The following MSR1 variants were observed in gnomAD, a reference collection of about 807,000 sequenced individuals.
The protein encoded by MSR1 is macrophage scavenger receptor 1, also known as macrophage scavenger receptor types I and II.
MSR1 carries 53 observed loss-of-function variants against 47.2 expected under a neutral mutation model. That is an observed-to-expected ratio of 1.12 (90% CI 0.90 to 1.41). The LOEUF is 1.41. MSR1 is among the 40% of genes most tolerant of loss of function. The pLI is 0.00. For missense variants in MSR1, 786 were observed against 546.9 expected (o/e 1.44, Z -4.36); for synonymous variants, 239 against 185.6 (o/e 1.29, Z -2.34).
intron 7 of MSR1, among the ~76,000 whole-genome samples, chr8:16,148,526 G>A (rs756400110): frequency 6.6e-6 from 1 of 151,740 alleles, no homozygotes; most frequent in Non-Finnish European, 1.5e-5. Flanking sequence ...GCATGATCTT[G>A]GTTCATTGCA....
intron 3 of MSR1, 136 bp from the exon 4 acceptor site, chr8:16,169,006 T>C (rs1291639316): frequency 1.3e-6 from 1 of 751,072 alleles, no homozygotes; most frequent in East Asian, 2.9e-5. Context: ...AAATCGAGTA[T>C]TTTTTTTTAA....
chr8:16,178,069 A>C, intron 1 of MSR1, 77 bp from the exon 2 acceptor site: 2 of 1,160,076 alleles, frequency 1.7e-6, no homozygotes, highest in Non-Finnish European at 2.5e-6. Context: ...TTTAAACTGA[A>C]ATTTCAGTTT....
intron 4 of MSR1, among the ~76,000 whole-genome samples, chr8:16,165,121 T>C (rs1801267833): frequency 6.6e-6 from 1 of 152,114 alleles, no homozygotes; most frequent in South Asian, 2.1e-4. Flanking sequence ...TGTATATTGA[T>C]ATAAGTACTT....
chr8:16,141,659 ATC>A (rs1800560164), intron 8 of MSR1, among the ~76,000 whole-genome samples: 1 of 152,238 alleles, frequency 6.6e-6, no homozygotes, highest in Non-Finnish European at 1.5e-5. Context: ...GTATACAAAC[ATC>A]TCTCTTACTC....
rs866255693 is a variant in MSR1, at chr8:16,107,917, C to T, written c.*2168G>A. The T allele has an allele frequency of 6.6e-6, 1 of 151,716 alleles. No homozygotes were observed. Among genetic ancestry groups the T allele is most frequent in the Non-Finnish European group, 1.5e-5 (1 of 67,906 alleles). 9.4% of individuals were successfully genotyped at this position (151,716 alleles called of 1,614,324 possible). On this transcript the variant is annotated 3_prime_UTR_variant, in exon 10 of 10. Transcript: ENST00000262101. ...TTTTTTTAATGGAACAAATGCAATT[C>T]AACATTCCAAAGTAAATTAAGTCCT...
intron 7 of MSR1, among the ~76,000 whole-genome samples, chr8:16,146,676 G>A (rs1800707963): frequency 6.6e-6 from 1 of 151,846 alleles, no homozygotes; most frequent in Non-Finnish European, 1.5e-5. Context: ...TCTTCAGTTG[G>A]GCTACTTCTC....
intron 1 of MSR1, 48 bp from the exon 2 acceptor site, chr8:16,178,040 G>A (rs1472593820): frequency 7.2e-7 from 1 of 1,398,260 alleles, no homozygotes; most frequent in African/African-American, 1.4e-5. Context: ...GAAATGGCTA[G>A]GGCTCTTTTG....
intron 2 of MSR1, among the ~76,000 whole-genome samples, chr8:16,177,465 A>T (rs984601827): frequency 1.3e-5 from 2 of 152,028 alleles, no homozygotes; most frequent in Non-Finnish European, 2.9e-5. Context: ...TCGAAAGGGC[A>T]CATGGTCTTT....
At chr8:16,189,076 T>G (rs1802087808) in intron 1 of MSR1, among the ~76,000 whole-genome samples, 1 of 146,146 alleles carries the variant, frequency 6.8e-6, no homozygotes, top group African/African-American at 2.5e-5. Context: ...TTTACATATA[T>G]TTCATATATA....
At chr8:16,184,267 G>A (rs1324218936) in intron 1 of MSR1, among the ~76,000 whole-genome samples, 1 of 151,836 alleles carries the variant, frequency 6.6e-6, no homozygotes, top group African/African-American at 2.4e-5. Flanking sequence ...GTAACTTCCT[G>A]TCTCTCCCAT....
At chr8:16,190,917 C>G (rs1802182976) in intron 1 of MSR1, among the ~76,000 whole-genome samples, 1 of 152,038 alleles carries the variant, frequency 6.6e-6, no homozygotes, top group Non-Finnish European at 1.5e-5. Context: ...GACAGGGTTT[C>G]TCCATGTTGG....
In MSR1 at chr8:16,164,224, A is replaced by G; in HGVS notation, c.658T>C (p.Tyr220His). 6.2e-7 allele frequency: 1 copy of G among 1,612,090 alleles called. No homozygotes were observed. Among genetic ancestry groups the G allele is most frequent in the South Asian group, 1.1e-5 (1 of 91,040 alleles). ...GCCATAATTTCTGCTGATACATTGT[A>G]AACACGCTCCTCTAATTTACTGATT... ...EEISKLEERV[Y>H]NVSAEIMAMK... The change falls in exon 5 of 10, where the codon TAC becomes CAC. Residue 220 changes from tyrosine to histidine, a missense_variant. By Grantham distance (83) the Tyr-to-His change is moderately conservative. Coordinates refer to ENST00000262101, the MANE Select transcript of MSR1 (RefSeq NM_138715.3).
Position 16,131,007 on chromosome 8 carries a change from T to A in MSR1, c.1034-10401A>T, listed in dbSNP as rs184849109. Among the ~76,000 whole-genome samples, 191 of 152,248 alleles carry A rather than the reference T, an allele frequency of 1.3e-3. 1 individual carries two copies. The highest frequency in any genetic ancestry group is 2.4e-3 in the Non-Finnish European group (163 of 67,998). The stretch of plus-strand genomic sequence containing the variant: ...TCGGGTATATACTCAGTAATGGGAT[T>A]GCTGGGTCAAATGGTAATTCTGTTT... On this transcript the variant is annotated intron_variant, in intron 8 of 9. Transcript: ENST00000262101.
chr8:16,164,872 T>C (rs1801261149), intron 4 of MSR1, among the ~76,000 whole-genome samples: 1 of 152,066 alleles, frequency 6.6e-6, no homozygotes, highest in South Asian at 2.1e-4. Flanking sequence ...TTCATATACT[T>C]AAGAGTGTGA....
At chr8:16,153,835 C>T (rs963495198) in intron 6 of MSR1, among the ~76,000 whole-genome samples, 1 of 151,876 alleles carries the variant, frequency 6.6e-6, no homozygotes, top group Non-Finnish European at 1.5e-5. Flanking sequence ...TGGTTATTTC[C>T]TCTGCTTATG....
At chr8:16,148,443 T>C (rs1800757812) in intron 7 of MSR1, among the ~76,000 whole-genome samples, 1 of 151,744 alleles carries the variant, frequency 6.6e-6, no homozygotes, top group African/African-American at 2.4e-5. Context: ...TGTTTATAGC[T>C]GCTTTACGTA....
chr8:16,122,425 G>A (rs1369175349), intron 8 of MSR1, among the ~76,000 whole-genome samples: 2 of 152,084 alleles, frequency 1.3e-5, no homozygotes, highest in East Asian at 1.9e-4. Context: ...TATCATGCAT[G>A]CATGCTATGA....
intron 2 of MSR1, 142 bp from the exon 3 acceptor site, chr8:16,175,442 T>G (rs1801618584): frequency 9.2e-6 from 7 of 760,246 alleles, no homozygotes; most frequent in Non-Finnish European, 1.5e-5. Flanking sequence ...ATCTTTGCAG[T>G]AGAAAGCAAA....
At chr8:16,159,919 AT>A (rs1801116451) in intron 5 of MSR1, among the ~76,000 whole-genome samples, 1 of 152,052 alleles carries the variant, frequency 6.6e-6, no homozygotes, top group Non-Finnish European at 1.5e-5. Context: ...AAGAGAAAAT[AT>A]TTCAAATAAA....
Sources: gnomAD v4.1 joint callset for allele counts (sites outside exome capture counted in the v4.1 genomes callset) on GRCh38, gnomAD v4.1.1 for gene constraint, MANE v1.5 for transcripts, NCBI Gene and HGNC (gene_info 2026-07-23, HGNC 2026-07-21) for gene names.